Variants in HEATR6 observed in about 807,000 individuals in gnomAD.
The protein encoded by HEATR6 is HEAT repeat-containing protein 6.
HEATR6 carries 106 observed loss-of-function variants against 132.8 expected under a neutral mutation model. That is an observed-to-expected ratio of 0.80 (90% CI 0.68 to 0.94). The LOEUF is 0.94. Among genes scored for constraint, HEATR6 ranks in the 40% least tolerant of loss-of-function variants. The pLI is 0.00. For missense variants in HEATR6, 1,339 were observed against 1,425.1 expected, an observed-to-expected ratio of 0.94 and a Z score of 0.97; for synonymous variants, 529 against 537.8, an observed-to-expected ratio of 0.98 and a Z score of 0.23.
chr17:60,048,500 G>T, intron 16 of HEATR6, 112 bp from the exon 17 acceptor site: 2 of 1,057,294 alleles, frequency 1.9e-6, no homozygotes, highest in Non-Finnish European at 2.6e-6. Context: ...TTTCTACTTA[G>T]AAATAAAAAT....
At chr17:60,048,642 C>T (rs1343300133) in intron 16 of HEATR6, among the ~76,000 whole-genome samples, 2 of 152,072 alleles carry the variant, frequency 1.3e-5, no homozygotes, top group African/African-American at 4.8e-5. Flanking sequence ...CTGTTATGAA[C>T]ATCGAATATA....
In HEATR6 at chr17:60,047,343, C is replaced by A; in HGVS notation, c.2735G>T (p.Arg912Leu). The change falls in exon 18 of 20, where the codon CGA becomes CTA. Residue 912 changes from arginine (R) to leucine (L), a missense_variant. Transcript: ENST00000184956. Reference sequence around the variant, plus strand: ...ATCCTTGGATGCTTCTATAGCTGATCGTAACATTTTCAAGAGCAGGAGACC... The same window carrying A: ...ATCCTTGGATGCTTCTATAGCTGATAGTAACATTTTCAAGAGCAGGAGACC... ...FSGLLLLKML[R>L]SAIEASKDKD... 1 of 1,613,108 alleles carries A rather than the reference C, an allele frequency of 6.2e-7. No homozygotes were observed. The highest frequency in any genetic ancestry group is 8.5e-7 in the Non-Finnish European group (1 of 1,179,490).
chr17:60,073,290 T>C lies in HEATR6; in HGVS notation c.469-11A>G. The C allele has an allele frequency of 6.9e-7, 1 of 1,451,036 alleles. No homozygotes were observed. The highest frequency in any genetic ancestry group is 9.7e-7 in the Non-Finnish European group (1 of 1,031,684). The allele number at this position is 1,451,036 out of a possible 1,614,324, so 89.9% of individuals were successfully genotyped here. On this transcript the variant is annotated splice_polypyrimidine_tract_variant and intron_variant, in intron 3 of 19. Transcript: ENST00000184956. ...CAGCTCTGGGAGGTACTAAGAAAAA[T>C]AAGAGTCAATGTAGGTCAAAGAAAA...
chr17:60,056,054 A>C, intron 13 of HEATR6, 61 bp downstream of exon 13: 1 of 1,557,686 alleles, frequency 6.4e-7, no homozygotes, highest in Non-Finnish European at 8.8e-7. Context: ...TATAAAGTGA[A>C]GAAAAGGAAG....
In HEATR6 at chr17:60,078,875, G is replaced by A; in HGVS notation, c.40C>T (p.Gln14Ter). The change falls in exon 1 of 20, where the codon CAG (glutamine) becomes TAG (stop). Residue 14 changes from glutamine to a stop codon, truncating the protein, a stop_gained. Transcript: ENST00000184956. LOFTEE classifies it high-confidence loss of function. ...GCTTCCCGCGGTGCCTCCCGCGGCT[G>A]CACGGAAGGCCACGAACCGACAACT... is the stretch of plus-strand genomic sequence containing the variant. ...VQVVGSWPSVQPREAPREAIP... is the reference protein window; with the variant it reads ...VQVVGSWPSV 7.4e-7 allele frequency: 1 copy of A among 1,355,144 alleles called. No homozygotes were observed. The highest frequency in any genetic ancestry group is 9.8e-7 in the Non-Finnish European group (1 of 1,020,094). The allele number at this position is 1,355,144 out of a possible 1,614,324, so 83.9% of individuals were successfully genotyped here.
chr17:60,066,988 C>T (rs1030016915), intron 8 of HEATR6, among the ~76,000 whole-genome samples: 4 of 152,154 alleles, frequency 2.6e-5, no homozygotes, highest in Non-Finnish European at 5.9e-5. Flanking sequence ...GAGAACAAGT[C>T]GGCCGGGCGC....
chr17:60,070,604 CT>C, intron 6 of HEATR6, 101 bp downstream of exon 6: 1 of 543,104 alleles, frequency 1.8e-6, no homozygotes, highest in Non-Finnish European at 3.3e-6. Flanking sequence ...TATGTAAGAA[CT>C]TTTAATACCT....
At chr17:60,065,611 A>G (rs2083236417) in intron 9 of HEATR6, among the ~76,000 whole-genome samples, 1 of 152,250 alleles carries the variant, frequency 6.6e-6, no homozygotes, top group South Asian at 2.1e-4. Context: ...ATATCTTGCT[A>G]TAGCTATCCA....
At chr17:60,077,336 T>C (rs2083302073) in intron 1 of HEATR6, among the ~76,000 whole-genome samples, 1 of 151,994 alleles carries the variant, frequency 6.6e-6, no homozygotes. Flanking sequence ...CCTGGAGGTG[T>C]GAAACACTAG....
Position 60,042,042 on chromosome 17 carries a change from G to C in HEATR6, c.*1521C>G, listed in dbSNP as rs1027079510. Among the ~76,000 whole-genome samples, 15 of 152,100 alleles carry C rather than the reference G, an allele frequency of 9.9e-5. No homozygotes were observed. The highest frequency in any genetic ancestry group is 2.1e-4 in the Non-Finnish European group (14 of 68,028). On this transcript the variant is annotated 3_prime_UTR_variant, in exon 20 of 20. Coordinates refer to ENST00000184956, the MANE Select transcript of HEATR6 (RefSeq NM_022070.5). ...GTAGAAGTTACCTTCATAACTTGTG[G>C]GGCATTATCAAAATATAATTGGAAA...
At chr17:60,071,786 C>A (rs1305843429) in intron 5 of HEATR6, among the ~76,000 whole-genome samples, 1 of 152,072 alleles carries the variant, frequency 6.6e-6, no homozygotes, top group Admixed American at 6.5e-5. Flanking sequence ...GAGCAGGAGA[C>A]TAGAAGGAAC....
At chr17:60,066,789 T>C (rs191049436) in intron 8 of HEATR6, among the ~76,000 whole-genome samples, 5 of 152,272 alleles carry the variant, frequency 3.3e-5, no homozygotes, top group African/African-American at 1.2e-4. Flanking sequence ...GCCCCAGCCT[T>C]GACAAGCTAG....
intron 15 of HEATR6, 81 bp downstream of exon 15, chr17:60,050,762 T>G: frequency 6.5e-7 from 1 of 1,537,428 alleles, no homozygotes; most frequent in Non-Finnish European, 8.9e-7. Context: ...TGCTGAATAC[T>G]GGTTCAAAAT....
At chr17:60,047,960 A>C (rs781450541) in intron 17 of HEATR6, among the ~76,000 whole-genome samples, 40 of 152,186 alleles carry the variant, frequency 2.6e-4, no homozygotes, top group Non-Finnish European at 5.3e-4. Flanking sequence ...ATTTTTTTAA[A>C]TGCATTTTAA....
At chr17:60,072,016 CA>C (rs1295546404) in intron 5 of HEATR6, among the ~76,000 whole-genome samples, 198 bp downstream of exon 5, 1 of 152,076 alleles carries the variant, frequency 6.6e-6, no homozygotes, top group Non-Finnish European at 1.5e-5. Context: ...TCTAGAATTG[CA>C]AAATATAACA....
At chr17:60,073,960 AC>A in intron 2 of HEATR6, 74 bp from the exon 3 acceptor site, 3 of 1,536,910 alleles carry the variant, frequency 2.0e-6, no homozygotes, top group Non-Finnish European at 2.6e-6. Flanking sequence ...ATGTATGCTC[AC>A]CTGAATCAAG....
At chr17:60,045,979 T>C in intron 19 of HEATR6, 46 bp downstream of exon 19, 1 of 1,316,318 alleles carries the variant, frequency 7.6e-7, no homozygotes, top group African/African-American at 1.5e-5. Context: ...GATTGGTGTG[T>C]GTCCCAAGAG....
At position 60,043,851 on chromosome 17, in the gene HEATR6, C is replaced by T. The variant is rs770171377; in HGVS notation, c.3258G>A (p.Ser1086=). 3.1e-6 allele frequency: 5 copies of T among 1,614,044 alleles called. No individual in the cohort carries two copies. The highest frequency in any genetic ancestry group is 2.7e-5 in the African/African-American group (2 of 74,912). ...GGGTTTCTTTCATACAAGGGAGGTC[C>T]GAGGCACTGGCCAAGCTCAAGAGGT... ...LIHLLSLASA[S]DLPCMKETLE... is the part of the protein sequence containing the mutation. Residue 1086 remains serine, a synonymous_variant, in exon 20 of 20, where the codon TCG becomes TCA. Transcript: ENST00000184956.
chr17:60,076,109 TAG>T lies in HEATR6; in HGVS notation c.327+19_327+20del, dbSNP rs768704979. ...CTCTCAAAGTTCATGATCTGAATTCTAGAGTTACATACATGATTACCTGTAAT... is the reference window on the plus strand; with the variant it reads ...CTCTCAAAGTTCATGATCTGAATTCTAGTTACATACATGATTACCTGTAAT... On this transcript the variant is annotated intron_variant, in intron 2 of 19. Coordinates refer to ENST00000184956, the MANE Select transcript of HEATR6 (RefSeq NM_022070.5). 6 of 1,346,992 alleles carry T rather than the reference TAG, an allele frequency of 4.5e-6. No individual in the cohort carries two copies. The highest frequency in any genetic ancestry group is 4.6e-5 in the East Asian group (2 of 43,628). 83.4% of individuals were successfully genotyped at this position (1,346,992 alleles called of 1,614,324 possible).
Sources: gnomAD v4.1 joint callset for allele counts (sites outside exome capture counted in the v4.1 genomes callset) on GRCh38, gnomAD v4.1.1 for gene constraint, MANE v1.5 for transcripts, NCBI Gene and HGNC (gene_info 2026-07-23, HGNC 2026-07-21) for gene names.